The following VSNL1 variants were observed in gnomAD, a reference collection of about 807,000 sequenced individuals.
The protein encoded by VSNL1 is visinin like 1, also known as visinin-like protein 1.
In VSNL1, 6 loss-of-function variants were observed where a neutral mutation model predicts 20.4. That is an observed-to-expected ratio of 0.29 (90% confidence interval 0.16 to 0.58). The LOEUF is 0.58. VSNL1 is among the 20% of genes least tolerant of loss of function. VSNL1 has a pLI of 0.90. For missense variants in VSNL1, 100 were observed against 234.5 expected, an observed-to-expected ratio of 0.43 and a Z score of 3.75; for synonymous variants, 93 against 86.4, an observed-to-expected ratio of 1.08 and a Z score of -0.42.
At chr2:17,544,130 A>T (rs1180423078) in intron 1 of VSNL1, among the ~76,000 whole-genome samples, 1 of 152,224 alleles carries the variant, frequency 6.6e-6, no homozygotes, top group South Asian at 2.1e-4. Flanking sequence ...TCTCTTTCTC[A>T]TTTCAAAGAG....
intron 2 of VSNL1, among the ~76,000 whole-genome samples, chr2:17,644,423 A>G (rs764104531): frequency 5.3e-4 from 81 of 152,264 alleles, no homozygotes; most frequent in Non-Finnish European, 1.1e-3. Flanking sequence ...TAAAGCAAAG[A>G]GCAGCCTGAC....
intron 2 of VSNL1, among the ~76,000 whole-genome samples, chr2:17,598,806 CA>C (rs1415394317): frequency 6.6e-6 from 1 of 152,138 alleles, no homozygotes; most frequent in African/African-American, 2.4e-5. Flanking sequence ...TCTTAATTGG[CA>C]CTAAGACAAA....
intron 2 of VSNL1, among the ~76,000 whole-genome samples, chr2:17,609,818 G>C (rs1665041379): frequency 1.3e-5 from 2 of 152,116 alleles, no homozygotes; most frequent in Non-Finnish European, 2.9e-5. Flanking sequence ...TAGGTGATGG[G>C]GTTCATTTTG....
intron 2 of VSNL1, among the ~76,000 whole-genome samples, chr2:17,631,877 TTTG>T (rs372839819): frequency 2.2e-4 from 33 of 151,824 alleles, no homozygotes; most frequent in Middle Eastern, 6.8e-3. Flanking sequence ...GAAGGTAAGG[TTTG>T]TTGTTGTTGT....
At chr2:17,543,717 C>T (rs1663346612) in intron 1 of VSNL1, among the ~76,000 whole-genome samples, 1 of 152,198 alleles carries the variant, frequency 6.6e-6, no homozygotes, top group South Asian at 2.1e-4. Context: ...ATAGCTTTTC[C>T]TCAGGCAGAT....
chr2:17,618,840 G>A (rs1665281507), intron 2 of VSNL1, among the ~76,000 whole-genome samples: 1 of 152,218 alleles, frequency 6.6e-6, no homozygotes, highest in Non-Finnish European at 1.5e-5. Flanking sequence ...AATTGGGCCA[G>A]TGGGCTTAGG....
intron 2 of VSNL1, among the ~76,000 whole-genome samples, chr2:17,613,279 A>G (rs1464270572): frequency 6.6e-6 from 1 of 152,262 alleles, no homozygotes; most frequent in Non-Finnish European, 1.5e-5. Context: ...TAGCAAGTGC[A>G]TGGAAAATAC....
intron 1 of VSNL1, among the ~76,000 whole-genome samples, chr2:17,573,100 A>G (rs1664119639): frequency 6.6e-6 from 1 of 152,216 alleles, no homozygotes; most frequent in South Asian, 2.1e-4. Flanking sequence ...TCTTTATTAA[A>G]TCTCTTTTGA....
intron 1 of VSNL1, among the ~76,000 whole-genome samples, chr2:17,584,432 T>C (rs909994887): frequency 6.6e-6 from 1 of 152,098 alleles, no homozygotes. Context: ...TGCCATTTGA[T>C]TATGCCATTT....
At chr2:17,588,740 T>G (rs1263232518) in intron 1 of VSNL1, among the ~76,000 whole-genome samples, 1 of 152,228 alleles carries the variant, frequency 6.6e-6, no homozygotes, top group African/African-American at 2.4e-5. Context: ...CCAGGAGGGC[T>G]GAATATTTTC....
At position 17,555,247 on chromosome 2, in the gene VSNL1, G is replaced by A. The variant is rs530121747; in HGVS notation, c.-6+14329G>A. ...CCTAAACTAGTTACTAATTCTCAGG[G>A]CCAGCATTATGAGCAGATGGCTGCA... On this transcript the variant is annotated intron_variant, in intron 1 of 3. Coordinates refer to ENST00000295156, the MANE Select transcript of VSNL1 (RefSeq NM_003385.5). Among the ~76,000 whole-genome samples, 3 of 152,218 alleles carry A rather than the reference G, an allele frequency of 2.0e-5. No homozygotes were observed. The East Asian group carries it at 5.8e-4, about 29-fold the overall frequency.
intron 2 of VSNL1, among the ~76,000 whole-genome samples, chr2:17,631,781 A>C (rs1450467614): frequency 1.8e-4 from 27 of 152,272 alleles, no homozygotes; most frequent in Admixed American, 1.8e-3. Flanking sequence ...CAAATGAATA[A>C]ATCTAGAGTT....
intron 2 of VSNL1, among the ~76,000 whole-genome samples, chr2:17,608,045 C>T (rs1486190960): frequency 6.6e-6 from 1 of 152,124 alleles, no homozygotes; most frequent in Non-Finnish European, 1.5e-5. Flanking sequence ...ACTATTTTCC[C>T]AAAGAGGAAA....
intron 1 of VSNL1, among the ~76,000 whole-genome samples, chr2:17,557,391 A>G (rs921772623): frequency 6.6e-6 from 1 of 152,232 alleles, no homozygotes; most frequent in Non-Finnish European, 1.5e-5. Flanking sequence ...TAAAACAACC[A>G]TAATCCCTGC....
At chr2:17,619,610 T>C (rs1665305289) in intron 2 of VSNL1, among the ~76,000 whole-genome samples, 1 of 152,052 alleles carries the variant, frequency 6.6e-6, no homozygotes, top group Admixed American at 6.6e-5. Flanking sequence ...TTATTTGCCT[T>C]TTTAGAAAAG....
chr2:17,556,064 T>C (rs2103343525), intron 1 of VSNL1, among the ~76,000 whole-genome samples: 1 of 152,314 alleles, frequency 6.6e-6, no homozygotes, highest in South Asian at 2.1e-4. Flanking sequence ...TTTTAAAACA[T>C]GGCATCAAAC....
chr2:17,575,234 G>A (rs567623184), intron 1 of VSNL1, among the ~76,000 whole-genome samples: 14 of 152,298 alleles, frequency 9.2e-5, no homozygotes, highest in African/African-American at 2.9e-4. Flanking sequence ...CTCCCAACCC[G>A]GGAGGGAAGC....
At chr2:17,608,993 TAC>T (rs1665018356) in intron 2 of VSNL1, among the ~76,000 whole-genome samples, 1 of 152,178 alleles carries the variant, frequency 6.6e-6, no homozygotes, top group Admixed American at 6.5e-5. Flanking sequence ...CATACATACA[TAC>T]ACACATGCAC....
At chr2:17,575,572 G>C (rs187511772) in intron 1 of VSNL1, among the ~76,000 whole-genome samples, 14 of 150,984 alleles carry the variant, frequency 9.3e-5, no homozygotes, top group African/African-American at 3.4e-4. Flanking sequence ...GTCTCACACT[G>C]TCGCCCAGGC....
Sources: gnomAD v4.1 joint callset for allele counts (sites outside exome capture counted in the v4.1 genomes callset) on GRCh38, gnomAD v4.1.1 for gene constraint, MANE v1.5 for transcripts, NCBI Gene and HGNC (gene_info 2026-07-23, HGNC 2026-07-21) for gene names.